MARCO: variants seen among roughly 807,000 people sequenced by gnomAD.
The protein encoded by MARCO is macrophage receptor with collagenous structure, also known as macrophage receptor MARCO.
Under a neutral mutation model 70.0 loss-of-function variants are expected in MARCO, and 72 were observed. The ratio of observed to expected loss-of-function variants is 1.03; its 90% CI spans 0.85 to 1.25. MARCO has a LOEUF of 1.25. Among genes scored for constraint, MARCO ranks in the 50% most tolerant of loss-of-function variants. The pLI, the probability that MARCO is intolerant of heterozygous loss-of-function variation, is 0.00. For missense variants in MARCO, 696 were observed against 659.3 expected (o/e 1.06, Z -0.61); for synonymous variants, 273 against 243.1 (o/e 1.12, Z -1.14).
Position 118,990,599 on chromosome 2 carries a change from A to T in MARCO, c.1074A>T (p.Gly358=). The T allele has an allele frequency of 3.3e-6, 4 of 1,202,558 alleles. No homozygotes were observed. Among genetic ancestry groups the T allele is most frequent in the Non-Finnish European group, 4.7e-6 (4 of 860,098 alleles). 74.5% of individuals were successfully genotyped at this position (1,202,558 alleles called of 1,614,324 possible). A position where few individuals can be genotyped will look rare whatever the true frequency, so the allele number is the denominator to read the frequency against. ...TTGTTTTGATCTTAGGACTTCAAGGACAGCAAGGAAGAAAAGGAGAATCAG... is the reference window on the plus strand; with the variant it reads ...TTGTTTTGATCTTAGGACTTCAAGGTCAGCAAGGAAGAAAAGGAGAATCAG... ...KGSKGDTGLQ[G]QQGRKGESGV... The change falls in exon 13 of 17, where the codon GGA becomes GGT. Residue 358 remains glycine, a synonymous_variant. Transcript: ENST00000327097.
intron 1 of MARCO, among the ~76,000 whole-genome samples, chr2:118,957,071 C>A: frequency 6.6e-6 from 1 of 151,876 alleles, no homozygotes; most frequent in Non-Finnish European, 1.5e-5. Context: ...TAAGGTCACA[C>A]CTCAAGGAAC....
intron 12 of MARCO, among the ~76,000 whole-genome samples, chr2:118,986,557 GA>G (rs1680487331): frequency 8.3e-6 from 1 of 119,928 alleles, no homozygotes; most frequent in Admixed American, 8.6e-5. Flanking sequence ...AGGAAGGAAG[GA>G]AGGGAGGGAG....
intron 1 of MARCO, among the ~76,000 whole-genome samples, chr2:118,951,615 T>C (rs1161885333): frequency 1.3e-5 from 2 of 152,208 alleles, no homozygotes; most frequent in African/African-American, 2.4e-5. Context: ...AGGCTTCAGG[T>C]TGTCAGTGGC....
chr2:118,963,568 T>A (rs1368082572), intron 1 of MARCO, among the ~76,000 whole-genome samples: 2 of 152,162 alleles, frequency 1.3e-5, no homozygotes, highest in African/African-American at 4.8e-5. Context: ...ATTCTGCTGT[T>A]GCTACCTGGA....
intron 1 of MARCO, among the ~76,000 whole-genome samples, chr2:118,945,656 G>GC (rs1244265130): frequency 1.3e-5 from 2 of 151,656 alleles, no homozygotes; most frequent in African/African-American, 2.4e-5. Context: ...CAAGTGATCC[G>GC]CCCCCCTTGG....
chr2:118,962,239 TTCTAA>T, intron 1 of MARCO, among the ~76,000 whole-genome samples: 1 of 152,346 alleles, frequency 6.6e-6, no homozygotes, highest in African/African-American at 2.4e-5. Context: ...AGATAGTTTC[TTCTAA>T]TTCTGTGAAG....
intron 6 of MARCO, 61 bp from the exon 7 acceptor site, chr2:118,977,410 T>G (rs1281877700): frequency 7.5e-7 from 1 of 1,335,490 alleles, no homozygotes; most frequent in East Asian, 2.3e-5. Context: ...TGTCAGCTGA[T>G]TAAAGACATT....
intron 6 of MARCO, among the ~76,000 whole-genome samples, chr2:118,976,861 G>C (rs1406636216): frequency 2.0e-5 from 3 of 152,218 alleles, no homozygotes; most frequent in African/African-American, 4.8e-5. Context: ...TTTGGGAAGA[G>C]AGCTGTCTTA....
intron 6 of MARCO, 47 bp from the exon 7 acceptor site, chr2:118,977,424 G>A (rs1229978136): frequency 1.3e-6 from 2 of 1,498,926 alleles, no homozygotes; most frequent in Non-Finnish European, 1.9e-6. Flanking sequence ...AGACATTTTA[G>A]ACATTCTCAG....
chr2:118,984,912 G>A (rs73948255), intron 12 of MARCO, among the ~76,000 whole-genome samples: 8,063 of 152,172 alleles, frequency 0.053, 711 homozygotes, highest in African/African-American at 0.18. Flanking sequence ...AAATAAAATC[G>A]TTAATCTCTC....
At chr2:118,957,802 T>C (rs372432538) in intron 1 of MARCO, among the ~76,000 whole-genome samples, 1 of 152,080 alleles carries the variant, frequency 6.6e-6, no homozygotes, top group Admixed American at 6.5e-5. Flanking sequence ...TAATCCACCA[T>C]GGATCAAGTG....
Position 118,986,726 on chromosome 2 carries a change from G to A in MARCO, c.1064-3863G>A, listed in dbSNP as rs137966385. Among the ~76,000 whole-genome samples, 61 of 107,770 alleles carry A rather than the reference G, an allele frequency of 5.7e-4. 8 individuals carry two copies. Among genetic ancestry groups the A allele is most frequent in the African/African-American group, 1.7e-3 (38 of 21,846 alleles). 70.7% of individuals were successfully genotyped at this position (107,770 alleles called of 152,430 possible). On this transcript the variant is annotated intron_variant, in intron 12 of 16. Transcript: ENST00000327097. ...GAAAGAAAGAAAGAAAGAAAGAAAA[G>A]AAAGAAAGAAAGAGAAAGAAAGAGA...
chr2:118,958,939 G>A (rs1320796216), intron 1 of MARCO, among the ~76,000 whole-genome samples: 2 of 152,082 alleles, frequency 1.3e-5, no homozygotes. Context: ...GCCACATATA[G>A]GAGAATGAAA....
At chr2:118,980,035 C>T (rs1404830014) in intron 8 of MARCO, among the ~76,000 whole-genome samples, 1 of 152,232 alleles carries the variant, frequency 6.6e-6, no homozygotes, top group Non-Finnish European at 1.5e-5. Flanking sequence ...TTCCCAAAGC[C>T]ATTCCCTTTG....
chr2:118,958,019 C>G (rs1679870051), intron 1 of MARCO, among the ~76,000 whole-genome samples: 2 of 151,994 alleles, frequency 1.3e-5, no homozygotes, highest in Admixed American at 1.3e-4. Context: ...TAAAGGCCAT[C>G]TATGACAAAC....
Position 118,992,424 on chromosome 2 carries a change from C to T in MARCO, c.1208-8C>T, listed in dbSNP as rs368964354. On this transcript the variant is annotated splice_polypyrimidine_tract_variant and splice_region_variant and intron_variant, in intron 14 of 16. Coordinates refer to ENST00000327097, the MANE Select transcript of MARCO (RefSeq NM_006770.4). ...TTTCAAACCGTGTGGGTTTTCTCCTCATGACAGGATCTTCTGGGGAGCAAG... is the reference window on the plus strand; with the variant it reads ...TTTCAAACCGTGTGGGTTTTCTCCTTATGACAGGATCTTCTGGGGAGCAAG... 5.0e-5 allele frequency: 81 copies of T among 1,613,592 alleles called. No individual in the cohort carries two copies. In the African/African-American group the frequency reaches 6.9e-4, roughly 14 times the overall value.
chr2:118,986,588 A>AGAAAGAAAGAAAGAAAGAAG (rs1553416606), intron 12 of MARCO, among the ~76,000 whole-genome samples: 33 of 8,054 alleles, frequency 4.1e-3, no homozygotes, highest in South Asian at 0.013. Flanking sequence ...GAAGGAAAGA[A>AGAAAGAAAGAAAGAAAGAAG]GAAAGAAAGA....
intron 1 of MARCO, among the ~76,000 whole-genome samples, chr2:118,945,648 A>G (rs1573370671): frequency 1.3e-5 from 2 of 152,018 alleles, no homozygotes; most frequent in South Asian, 2.1e-4. Context: ...CCTGACCTCA[A>G]GTGATCCGCC....
intron 14 of MARCO, 34 bp from the exon 15 acceptor site, chr2:118,992,398 C>T (rs1364919046): frequency 6.2e-7 from 1 of 1,607,808 alleles, no homozygotes; most frequent in Non-Finnish European, 8.5e-7. Flanking sequence ...GCCTGGGTTT[C>T]TTTCAAACCG....
Sources: allele counts gnomAD v4.1 joint callset (sites outside exome capture counted in the v4.1 genomes callset), GRCh38; gene constraint gnomAD v4.1.1; transcripts MANE v1.5; gene names NCBI Gene and HGNC (gene_info 2026-07-23, HGNC 2026-07-21).